Variants in OGA observed in about 807,000 individuals in gnomAD.
The protein encoded by OGA is O-GlcNAcase, also known as protein O-GlcNAcase.
A neutral mutation model predicts 102.0 loss-of-function variants in OGA; 21 were observed. That is an observed-to-expected ratio of 0.21 (90% CI 0.15 to 0.30). The LOEUF (loss-of-function observed/expected upper bound fraction) is 0.30. Ranked by LOEUF, OGA falls within the 10% of genes least tolerant of loss-of-function variation. The pLI is 1.00. For synonymous variants in OGA, 408 were observed against 378.2 expected, an observed-to-expected ratio of 1.08 and a Z score of -0.91; for missense variants, 765 against 1,107.8, an observed-to-expected ratio of 0.69 and a Z score of 4.39.
chr10:101,792,753 G>A (rs2065273853), intron 12 of OGA, 86 bp downstream of exon 12: 2 of 889,794 alleles, frequency 2.2e-6, no homozygotes. Flanking sequence ...AAGACAGAAG[G>A]ATTCCTTTAA....
At chr10:101,798,469 G>A in intron 9 of OGA, among the ~76,000 whole-genome samples, 1 of 144,638 alleles carries the variant, frequency 6.9e-6, no homozygotes, top group Non-Finnish European at 1.5e-5. Flanking sequence ...GGAGTACAAT[G>A]GCACGATCTC....
chr10:101,794,804 G>A (rs2065296879), intron 10 of OGA, among the ~76,000 whole-genome samples: 2 of 152,196 alleles, frequency 1.3e-5, no homozygotes, highest in South Asian at 2.1e-4. Context: ...CTAGCTAACA[G>A]TAAGACATAA....
chr10:101,791,893 C>T (rs908316315), intron 12 of OGA, among the ~76,000 whole-genome samples: 2 of 151,836 alleles, frequency 1.3e-5, no homozygotes, highest in Admixed American at 6.6e-5. Flanking sequence ...ATGGCACGAT[C>T]TTGGCTCACT....
Position 101,803,880 on chromosome 10 carries a change from T to G in OGA, c.891A>C (p.Lys297Asn). The G allele has an allele frequency of 6.2e-7, 1 of 1,614,252 alleles. No homozygotes were observed. Among genetic ancestry groups the G allele is most frequent in the Non-Finnish European group, 8.5e-7 (1 of 1,180,056 alleles). The change falls in exon 7 of 16, where the codon AAA (lysine) becomes AAC (asparagine). Residue 297 changes from lysine (K) to asparagine (N), a missense_variant. Physicochemically the swap from Lys to Asn is moderately conservative, Grantham distance 94 (BLOSUM62 0). Transcript: ENST00000361464. ...GTGGGATGAGTTCTGTGGATCTTCC[T>G]TTGTACGGGCCCAGAAACAGTCTCT... ...DQKRLFLGPY[K>N]GRSTELIPRL...
At chr10:101,794,220 C>G (rs2065290676) in intron 10 of OGA, 1 of 298,388 alleles carries the variant, frequency 3.4e-6, no homozygotes, top group Admixed American at 4.9e-5. Context: ...ATTATCAGTT[C>G]TACTCTTTAA....
In OGA at chr10:101,786,333, T is replaced by TCG; in HGVS notation, c.*117_*118insCG. 3 of 1,099,664 alleles carry TCG rather than the reference T, an allele frequency of 2.7e-6. No individual in the cohort carries two copies. Among genetic ancestry groups the TCG allele is most frequent in the Admixed American group, 3.0e-5 (1 of 33,896 alleles). The allele number at this position is 1,099,664 out of a possible 1,614,324, so 68.1% of individuals were successfully genotyped here. The stretch of plus-strand genomic sequence containing the variant: ...GTGAGTTTTACATAGTCTTCTTTGT[T>TCG]TCGAATCCAATTGGCTGATTTGTTA... On this transcript the variant is annotated 3_prime_UTR_variant, in exon 16 of 16. Coordinates refer to ENST00000361464, the MANE Select transcript of OGA (RefSeq NM_012215.5).
intron 14 of OGA, among the ~76,000 whole-genome samples, chr10:101,788,659 T>C (rs2065220511): frequency 1.3e-5 from 2 of 148,568 alleles, no homozygotes; most frequent in East Asian, 2.0e-4. Context: ...CACTTGAACC[T>C]GGGAGGCGGA....
chr10:101,813,207 C>T, intron 2 of OGA, 80 bp from the exon 3 acceptor site: 2 of 875,650 alleles, frequency 2.3e-6, no homozygotes, highest in East Asian at 2.4e-5. Context: ...CTTCTTGGAG[C>T]ATCTCCATCT....
intron 15 of OGA, among the ~76,000 whole-genome samples, chr10:101,787,019 G>A (rs942307712): frequency 1.3e-4 from 19 of 151,382 alleles, no homozygotes; most frequent in African/African-American, 4.1e-4. Context: ...AGTGCTGCGT[G>A]AGCCACCGTG....
At chr10:101,814,595 A>G (rs1192116136) in intron 1 of OGA, among the ~76,000 whole-genome samples, 1 of 152,180 alleles carries the variant, frequency 6.6e-6, no homozygotes, top group African/African-American at 2.4e-5. Flanking sequence ...CTCTCTCAAA[A>G]AAAGTTCCAC....
At position 101,818,416 on chromosome 10, in the gene OGA, C is replaced by T; in HGVS notation, c.-394G>A. On this transcript the variant is annotated 5_prime_UTR_variant, in exon 1 of 16. Coordinates refer to ENST00000361464, the MANE Select transcript of OGA (RefSeq NM_012215.5). ...GCCCCGAGCTCTCCCTCTGCTGCTG[C>T]CTCCACCGCCCGCTTCCTGTTTATC... 2 of 1,014,284 alleles carry T rather than the reference C, an allele frequency of 2.0e-6. No homozygotes were observed. The highest frequency in any genetic ancestry group is 4.1e-5 in the South Asian group (1 of 24,504). The allele number at this position is 1,014,284 out of a possible 1,614,324, so 62.8% of individuals were successfully genotyped here.
intron 12 of OGA, 136 bp from the exon 13 acceptor site, chr10:101,791,575 T>C: frequency 1.6e-6 from 1 of 636,152 alleles, no homozygotes; most frequent in Non-Finnish European, 2.8e-6. Flanking sequence ...TCACCTCTTC[T>C]TTGTAAAATA....
intron 13 of OGA, 131 bp downstream of exon 13, chr10:101,791,223 C>T (rs1325532936): frequency 9.2e-6 from 11 of 1,201,332 alleles, no homozygotes; most frequent in Non-Finnish European, 1.3e-5. Flanking sequence ...GAAATGCACA[C>T]ATATTCAGAT....
chr10:101,812,769 G>A, intron 3 of OGA: 1 of 551,040 alleles, frequency 1.8e-6, no homozygotes, highest in Non-Finnish European at 3.4e-6. Flanking sequence ...TAATCCACTG[G>A]CAGAAGTAAG....
chr10:101,811,405 T>TAAAAAAAAA (rs2065554471), intron 3 of OGA, among the ~76,000 whole-genome samples: 1 of 9,026 alleles, frequency 1.1e-4, no homozygotes, highest in Non-Finnish European at 2.8e-4. Flanking sequence ...TGAAAAAAAA[T>TAAAAAAAAA]GAAAAAAAAA....
chr10:101,818,193 G>A lies in OGA; in HGVS notation c.-171C>T, dbSNP rs2065668223. ...CTCTCCGCAGGGACCCGAATGCCCG[G>A]ATGAGAAGGGCGGCGGCACCGGCGC... On this transcript the variant is annotated 5_prime_UTR_variant, in exon 1 of 16. Coordinates refer to ENST00000361464, the MANE Select transcript of OGA (RefSeq NM_012215.5). 2.2e-6 allele frequency: 3 copies of A among 1,352,452 alleles called. No homozygotes were observed. The highest frequency in any genetic ancestry group is 1.8e-5 in the South Asian group (1 of 54,438). The allele number at this position is 1,352,452 out of a possible 1,614,324, so 83.8% of individuals were successfully genotyped here. A position where few individuals can be genotyped will look rare whatever the true frequency, so the allele number is the denominator to read the frequency against.
chr10:101,808,370 T>C (rs1016205569), intron 4 of OGA, among the ~76,000 whole-genome samples: 2 of 152,188 alleles, frequency 1.3e-5, no homozygotes, highest in African/African-American at 4.8e-5. Context: ...CTCCTAGTCC[T>C]CATGGGCTGC....
rs2065173518 is a variant in OGA at position 101,784,499 on chromosome 10, T to C, written c.*1952A>G. 6.6e-6 allele frequency: 1 copy of C among 152,660 alleles called. No homozygotes were observed. Among genetic ancestry groups the C allele is most frequent in the African/African-American group, 2.4e-5 (1 of 41,458 alleles). 9.5% of individuals were successfully genotyped at this position (152,660 alleles called of 1,614,324 possible). Reference sequence around the variant, plus strand: ...CTTGCATGGTCTTTTACAGTTCGTTTTCTACAGGAACTGAGCTCTGATCCA... The same window carrying C: ...CTTGCATGGTCTTTTACAGTTCGTTCTCTACAGGAACTGAGCTCTGATCCA... On this transcript the variant is annotated 3_prime_UTR_variant, in exon 16 of 16. Transcript: ENST00000361464.
intron 14 of OGA, 35 bp downstream of exon 14, chr10:101,790,861 C>T (rs1410431280): frequency 1.4e-6 from 2 of 1,392,174 alleles, no homozygotes; most frequent in Non-Finnish European, 1.9e-6. Context: ...TAAAAAAGAC[C>T]ATTACCATAG....
Sources: gnomAD v4.1 joint callset for allele counts (sites outside exome capture counted in the v4.1 genomes callset) on GRCh38, gnomAD v4.1.1 for gene constraint, MANE v1.5 for transcripts, NCBI Gene and HGNC (gene_info 2026-07-23, HGNC 2026-07-21) for gene names.